CMSS1: variants seen among roughly 807,000 people sequenced by gnomAD.
CMSS1 encodes cms1 ribosomal small subunit homolog.
A neutral mutation model predicts 43.5 loss-of-function variants in CMSS1; 33 were observed. The ratio of observed to expected loss-of-function variants is 0.76; its 90% CI spans 0.57 to 1.01. The LOEUF is 1.01. CMSS1 is among the 50% of genes least tolerant of loss of function. CMSS1 has a pLI of 0.00. For missense variants in CMSS1, 313 were observed against 326.4 expected, an observed-to-expected ratio of 0.96 and a Z score of 0.32; for synonymous variants, 115 against 117.2, an observed-to-expected ratio of 0.98 and a Z score of 0.12.
intron 1 of CMSS1, among the ~76,000 whole-genome samples, chr3:99,831,583 C>G (rs537975103): frequency 6.6e-6 from 1 of 152,326 alleles, no homozygotes; most frequent in African/African-American, 2.4e-5. Context: ...ACAGACTAAT[C>G]AAGTCTGCTA....
chr3:100,108,555 G>A (rs893537713), intron 1 of CMSS1, among the ~76,000 whole-genome samples: 1 of 152,102 alleles, frequency 6.6e-6, no homozygotes, highest in Non-Finnish European at 1.5e-5. Flanking sequence ...GTACATTCTG[G>A]TTTTGACTCT....
At chr3:99,916,022 A>G (rs1706939460) in intron 1 of CMSS1, among the ~76,000 whole-genome samples, 1 of 152,202 alleles carries the variant, frequency 6.6e-6, no homozygotes, top group Non-Finnish European at 1.5e-5. Context: ...GTAATGGTTA[A>G]TTTTATGTGT....
chr3:100,130,198 A>T lies in CMSS1; in HGVS notation c.65-16775A>T, dbSNP rs144941942. ...TAAAGTGTGTCCTGTTTTATAGATA[A>T]CCCTGAACAGCTCTATTTTGATGTC... On this transcript the variant is annotated intron_variant, in intron 1 of 9. Coordinates refer to ENST00000421999, the MANE Select transcript of CMSS1 (RefSeq NM_032359.4). Among the ~76,000 whole-genome samples, 541 of 152,288 alleles carry T rather than the reference A, an allele frequency of 3.6e-3. 2 individuals are homozygous for T. Among genetic ancestry groups the T allele is most frequent in the African/African-American group, 0.012 (515 of 41,562 alleles).
At chr3:100,030,186 A>G (rs1194137458) in intron 1 of CMSS1, among the ~76,000 whole-genome samples, 3 of 152,088 alleles carry the variant, frequency 2.0e-5, no homozygotes, top group Non-Finnish European at 4.4e-5. Context: ...TGGAACTCCT[A>G]TTTTCTAGTT....
intron 1 of CMSS1, among the ~76,000 whole-genome samples, chr3:100,078,571 C>G (rs975721557): frequency 6.6e-6 from 1 of 151,928 alleles, no homozygotes; most frequent in South Asian, 2.1e-4. Flanking sequence ...TACACCAACA[C>G]TAGCGATAGC....
chr3:100,175,518 T>C (rs2107534323), intron 8 of CMSS1, among the ~76,000 whole-genome samples: 1 of 152,334 alleles, frequency 6.6e-6, no homozygotes, highest in African/African-American at 2.4e-5. Flanking sequence ...TTATTTTAAT[T>C]TTGCAGAGAG....
At chr3:100,055,477 T>G (rs989657322) in intron 1 of CMSS1, among the ~76,000 whole-genome samples, 1 of 152,238 alleles carries the variant, frequency 6.6e-6, no homozygotes, top group Non-Finnish European at 1.5e-5. Flanking sequence ...GATTTGTCTC[T>G]CGTTAAGTAT....
chr3:100,152,077 G>A (rs2066915307), intron 2 of CMSS1, among the ~76,000 whole-genome samples: 1 of 152,188 alleles, frequency 6.6e-6, no homozygotes, highest in African/African-American at 2.4e-5. Flanking sequence ...TTGGTACACA[G>A]CATTCTGAAG....
chr3:99,860,574 T>C lies in CMSS1; in HGVS notation c.64+42531T>C, dbSNP rs187421372. On this transcript the variant is annotated intron_variant, in intron 1 of 9. Transcript: ENST00000421999. ...TCTGAGGGTCCACAGGCACAGAACT[T>C]GGGTAGTTAGGCAGCTACAAGGAGA... 2.5e-3 allele frequency among the ~76,000 whole-genome samples: 385 copies of C among 152,128 alleles called. 3 individuals are homozygous for C. Among genetic ancestry groups the C allele is most frequent in the Middle Eastern group, 0.014 (4 of 294 alleles).
At chr3:100,138,649 A>G (rs1187047342) in intron 1 of CMSS1, among the ~76,000 whole-genome samples, 2 of 152,266 alleles carry the variant, frequency 1.3e-5, no homozygotes, top group African/African-American at 4.8e-5. Flanking sequence ...ATACCATCTC[A>G]TGCAAGTCAG....
chr3:99,826,273 A>G (rs1350174696), intron 1 of CMSS1, among the ~76,000 whole-genome samples: 1 of 152,174 alleles, frequency 6.6e-6, no homozygotes, highest in Non-Finnish European at 1.5e-5. Context: ...TCAAGCTCTT[A>G]AATTCCTATT....
At chr3:99,955,123 TTTC>T in intron 1 of CMSS1, among the ~76,000 whole-genome samples, 1 of 152,184 alleles carries the variant, frequency 6.6e-6, no homozygotes, top group South Asian at 2.1e-4. Flanking sequence ...ACACAAGTGG[TTTC>T]AAGGCCCCTT....
intron 2 of CMSS1, among the ~76,000 whole-genome samples, chr3:100,154,237 ATT>A: frequency 6.6e-6 from 1 of 151,680 alleles, no homozygotes. Context: ...AAGCTTTTTT[ATT>A]TTTTTTACAT....
intron 1 of CMSS1, among the ~76,000 whole-genome samples, chr3:100,036,268 A>G (rs993559477): frequency 1.2e-4 from 18 of 152,204 alleles, no homozygotes; most frequent in African/African-American, 3.6e-4. Flanking sequence ...ACTAAGAGGA[A>G]CAAAGCCTTC....
At chr3:100,098,425 G>C (rs1309449407) in intron 1 of CMSS1, among the ~76,000 whole-genome samples, 7 of 152,094 alleles carry the variant, frequency 4.6e-5, no homozygotes, top group Non-Finnish European at 1.0e-4. Context: ...GACTAGAATG[G>C]CTACCTCACA....
At chr3:100,069,781 C>T (rs1361187190) in intron 1 of CMSS1, among the ~76,000 whole-genome samples, 1 of 152,064 alleles carries the variant, frequency 6.6e-6, no homozygotes, top group African/African-American at 2.4e-5. Context: ...GAGGAGGTGG[C>T]AGAATGGAGG....
chr3:100,143,410 A>C (rs141132011), intron 1 of CMSS1, among the ~76,000 whole-genome samples: 1 of 152,224 alleles, frequency 6.6e-6, no homozygotes, highest in Non-Finnish European at 1.5e-5. Context: ...AAGTTTTTTT[A>C]CATGCTGTTT....
In CMSS1 at chr3:100,064,398, C is replaced by CTT. The variant is rs527292402; in HGVS notation, c.65-82564_65-82563dup. Among the ~76,000 whole-genome samples the CTT allele has an allele frequency of 4.7e-3, 690 of 146,104 alleles. 2 individuals are homozygous for CTT. The highest frequency in any genetic ancestry group is 7.0e-3 in the South Asian group (32 of 4,604). On this transcript the variant is annotated intron_variant, in intron 1 of 9. Coordinates refer to ENST00000421999, the MANE Select transcript of CMSS1 (RefSeq NM_032359.4). ...AGCTAATCCTGACCCCCCCAACACCCTTTTTTTTTTTTCAACATTAAAGCC... is the reference window on the plus strand; with the variant it reads ...AGCTAATCCTGACCCCCCCAACACCCTTTTTTTTTTTTTTCAACATTAAAGCC...
At chr3:100,038,416 T>C (rs939195096) in intron 1 of CMSS1, among the ~76,000 whole-genome samples, 1 of 152,192 alleles carries the variant, frequency 6.6e-6, no homozygotes, top group African/African-American at 2.4e-5. Context: ...AGCCAAATTA[T>C]TTCTTTTTTC....
Sources: allele counts gnomAD v4.1 joint callset (sites outside exome capture counted in the v4.1 genomes callset), GRCh38; gene constraint gnomAD v4.1.1; transcripts MANE v1.5; gene names NCBI Gene and HGNC (gene_info 2026-07-23, HGNC 2026-07-21).